SEMA3A: variants seen among roughly 807,000 people sequenced by gnomAD.
SEMA3A encodes semaphorin 3A.
SEMA3A carries 29 observed loss-of-function variants against 97.9 expected under a neutral mutation model. The observed-to-expected ratio is 0.30, with a 90% confidence interval of 0.22 to 0.40. The LOEUF (loss-of-function observed/expected upper bound fraction) is 0.40. Ranked by LOEUF, SEMA3A falls within the 10% of genes least tolerant of loss-of-function variation. The pLI, the probability that SEMA3A is intolerant of heterozygous loss-of-function variation, is 1.00. For missense variants in SEMA3A, 763 were observed against 951.3 expected, an observed-to-expected ratio of 0.80 and a Z score of 2.60; for synonymous variants, 321 against 323.7, an observed-to-expected ratio of 0.99 and a Z score of 0.09.
intron 5 of SEMA3A, among the ~76,000 whole-genome samples, chr7:84,057,165 TAA>T (rs1218748313): frequency 6.6e-6 from 1 of 152,210 alleles, no homozygotes; most frequent in East Asian, 1.9e-4. Context: ...TAAACTTAGC[TAA>T]AAGTCTCAGA....
Position 84,095,358 on chromosome 7 carries a change from CATAT to C in SEMA3A, c.453+15108_453+15111del, listed in dbSNP as rs200107086. On this transcript the variant is annotated intron_variant, in intron 4 of 16. Transcript: ENST00000265362. ...ATATATATTTTATATTTTTTATATA[CATAT>C]ATATATATATATATATATATATATA... 9.2e-3 allele frequency among the ~76,000 whole-genome samples: 1,132 copies of C among 122,868 alleles called. 24 individuals carry two copies. Among genetic ancestry groups the C allele is most frequent in the Admixed American group, 0.019 (233 of 12,442 alleles). The allele number at this position is 122,868 out of a possible 152,430, so 80.6% of individuals were successfully genotyped here.
At chr7:84,101,818 T>C (rs34665905) in intron 4 of SEMA3A, among the ~76,000 whole-genome samples, 64,490 of 151,798 alleles carry the variant, frequency 0.42, 14,876 homozygotes, top group Admixed American at 0.52. Context: ...AATGAAACTA[T>C]TGAACATGTG....
chr7:84,407,233 C>A (rs1388211641), intron 1 of SEMA3A, among the ~76,000 whole-genome samples: 2 of 152,302 alleles, frequency 1.3e-5, no homozygotes, highest in African/African-American at 4.8e-5. Flanking sequence ...GTGCAAAAAT[C>A]ACAAGCATTT....
At chr7:84,327,844 T>C (rs1801806896) in intron 2 of SEMA3A, among the ~76,000 whole-genome samples, 2 of 152,028 alleles carry the variant, frequency 1.3e-5, no homozygotes, top group Non-Finnish European at 2.9e-5. Flanking sequence ...GTCTCTTTGA[T>C]AAATGGATAA....
At chr7:84,336,357 C>G (rs1021249121) in intron 2 of SEMA3A, among the ~76,000 whole-genome samples, 2 of 152,040 alleles carry the variant, frequency 1.3e-5, no homozygotes, top group African/African-American at 4.8e-5. Flanking sequence ...GCAAAAATTA[C>G]CATATTTACT....
chr7:84,044,352 C>CA (rs1396929151), intron 6 of SEMA3A, among the ~76,000 whole-genome samples: 1 of 152,038 alleles, frequency 6.6e-6, no homozygotes, highest in Non-Finnish European at 1.5e-5. Context: ...ACCCAGGTAC[C>CA]ATGAGACCCC....
In SEMA3A at chr7:84,114,968, A is replaced by G. The variant is rs557436246; in HGVS notation, c.334-4379T>C. Among the ~76,000 whole-genome samples the G allele has an allele frequency of 2.0e-5, 3 of 152,272 alleles. No homozygotes were observed. The East Asian group carries it at 5.8e-4, about 29-fold the overall frequency. ...TGAATTTGTGACTTGGAATTTTTTAACACTCATCTTTTTAAGTGATGAATA... is the reference window on the plus strand; with the variant it reads ...TGAATTTGTGACTTGGAATTTTTTAGCACTCATCTTTTTAAGTGATGAATA... On this transcript the variant is annotated intron_variant, in intron 3 of 16. Transcript: ENST00000265362.
chr7:84,165,067 G>A (rs952986740), intron 1 of SEMA3A, among the ~76,000 whole-genome samples: 1 of 152,196 alleles, frequency 6.6e-6, no homozygotes, highest in East Asian at 1.9e-4. Flanking sequence ...AATTAGCCAG[G>A]CATAGTGGCA....
intron 2 of SEMA3A, among the ~76,000 whole-genome samples, chr7:84,315,111 C>T (rs1801463537): frequency 6.6e-6 from 1 of 151,990 alleles, no homozygotes; most frequent in African/African-American, 2.4e-5. Flanking sequence ...GGTAATTAAC[C>T]TTACCAATAT....
At chr7:83,987,717 A>C (rs1423392425) in intron 12 of SEMA3A, among the ~76,000 whole-genome samples, 1 of 152,228 alleles carries the variant, frequency 6.6e-6, no homozygotes, top group East Asian at 1.9e-4. Context: ...CCTCTCTTCA[A>C]CTTACCCCAC....
intron 1 of SEMA3A, among the ~76,000 whole-genome samples, chr7:84,423,587 G>A (rs1804660176): frequency 2.0e-5 from 3 of 151,908 alleles, no homozygotes. Context: ...GAAATAGATA[G>A]TTATATCATC....
rs572834418 is a variant in SEMA3A at position 84,329,563 on chromosome 7, C to T, written c.-168-22271G>A. On this transcript the variant is annotated intron_variant, in intron 2 of 3. Coordinates refer to the SEMA3A transcript ENST00000424555. ...AGATTGTAATCAAAGAAGAAACATG[C>T]ACATATCAAAATTTTAGGAAGGACA... Among the ~76,000 whole-genome samples the T allele has an allele frequency of 2.0e-5, 3 of 151,986 alleles. No individual in the cohort carries two copies. In the South Asian group the frequency reaches 6.2e-4, roughly 32 times the overall value.
rs562732031 is a variant in SEMA3A, at chr7:84,221,330, TA to T, written c.-82-26663del. Among the ~76,000 whole-genome samples, 175 of 152,264 alleles carry T rather than the reference TA, an allele frequency of 1.1e-3. 1 individual carries two copies. The highest frequency in any genetic ancestry group is 3.9e-3 in the African/African-American group (164 of 41,564). On this transcript the variant is annotated intron_variant, in intron 3 of 3. Coordinates refer to the SEMA3A transcript ENST00000424555. Reference sequence around the variant, plus strand: ...ATCCAGACCACTAACATTTGCTCCATATCAGCAATAAAGCTGTTTTACCTTC... The same window carrying T: ...ATCCAGACCACTAACATTTGCTCCATTCAGCAATAAAGCTGTTTTACCTTC...
Position 84,216,145 on chromosome 7 carries a change from TG to T in SEMA3A, c.-82-21478del, listed in dbSNP as rs1187106137. ...GTGCAGTGGCACGATCTCAGCTCAC[TG>T]CCACCATCTCGGCTCACTGCCACCA... On this transcript the variant is annotated intron_variant, in intron 3 of 3. Coordinates refer to the SEMA3A transcript ENST00000424555. Among the ~76,000 whole-genome samples, 5 of 152,314 alleles carry T rather than the reference TG, an allele frequency of 3.3e-5. No homozygotes were observed. In the South Asian group the frequency reaches 6.2e-4, roughly 19 times the overall value.
At chr7:84,120,386 G>T (rs1327763099) in intron 3 of SEMA3A, among the ~76,000 whole-genome samples, 4 of 152,106 alleles carry the variant, frequency 2.6e-5, no homozygotes, top group Non-Finnish European at 4.4e-5. Context: ...AACCAAATAT[G>T]AGTCACTTAA....
At chr7:84,175,958 A>G (rs1379938099) in intron 1 of SEMA3A, among the ~76,000 whole-genome samples, 1 of 152,158 alleles carries the variant, frequency 6.6e-6, no homozygotes, top group African/African-American at 2.4e-5. Context: ...CACCAACACT[A>G]ACAAGCATTA....
chr7:84,473,126 T>C (rs1283791542), intron 1 of SEMA3A, among the ~76,000 whole-genome samples: 1 of 143,966 alleles, frequency 6.9e-6, no homozygotes, highest in African/African-American at 2.7e-5. Flanking sequence ...TTGGGCTTAA[T>C]GGGAAAAAAG....
At chr7:84,261,452 G>T (rs759670717) in intron 3 of SEMA3A, among the ~76,000 whole-genome samples, 5 of 152,212 alleles carry the variant, frequency 3.3e-5, no homozygotes, top group African/African-American at 4.8e-5. Context: ...AGATCTAGGG[G>T]CTCCCTGAGC....
chr7:84,129,314 CTT>C (rs1795891690), intron 2 of SEMA3A, 129 bp from the exon 3 acceptor site: 1 of 754,978 alleles, frequency 1.3e-6, no homozygotes, highest in Non-Finnish European at 2.2e-6. Context: ...TTTCAGGAAA[CTT>C]TCACTTTAGA....
Sources: gnomAD v4.1 joint callset for allele counts (sites outside exome capture counted in the v4.1 genomes callset) on GRCh38, gnomAD v4.1.1 for gene constraint, MANE v1.5 for transcripts, NCBI Gene and HGNC (gene_info 2026-07-23, HGNC 2026-07-21) for gene names.